TTC39B: variants seen among roughly 807,000 people sequenced by gnomAD.
The protein encoded by TTC39B is tetratricopeptide repeat domain 39B.
TTC39B carries 92 observed loss-of-function variants against 96.6 expected under a neutral mutation model. The ratio of observed to expected loss-of-function variants is 0.95; its 90% CI spans 0.80 to 1.13. TTC39B has a LOEUF of 1.13. Among genes scored for constraint, TTC39B ranks in the 50% most tolerant of loss-of-function variants. TTC39B has a pLI of 0.00. For missense variants in TTC39B, 955 were observed against 809.3 expected (o/e 1.18, Z -2.18); for synonymous variants, 367 against 299.4 (o/e 1.23, Z -2.33).
rs61755266 is a variant in TTC39B at position 15,199,909 on chromosome 9, T to G, written c.776A>C (p.Asn259Thr). 2.6e-6 allele frequency: 4 copies of G among 1,540,488 alleles called. No individual in the cohort carries two copies. The South Asian group carries it at 4.7e-5, about 18-fold the overall frequency. Residue 259 changes from asparagine (N) to threonine (T), a missense_variant, in exon 8 of 20, where the codon AAC becomes ACC. Coordinates refer to ENST00000512701, the Ensembl canonical transcript of TTC39B. ...AATTTTGAGTCCACCTTTGATGAAG[T>G]TGATCATATTTTCATCCTGAAAATA...
intron 8 of TTC39B, among the ~76,000 whole-genome samples, 178 bp downstream of exon 8, chr9:15,199,683 C>T (rs577143981): frequency 1.8e-4 from 22 of 120,752 alleles, no homozygotes; most frequent in Non-Finnish European, 3.0e-4. Flanking sequence ...TGCAGTGAGC[C>T]GAGATTGCGC....
chr9:15,204,645 G>C (rs2131322738), intron 6 of TTC39B, among the ~76,000 whole-genome samples: 1 of 152,142 alleles, frequency 6.6e-6, no homozygotes. Context: ...ACACTAACCA[G>C]ACACATTAGC....
intron 9 of TTC39B, 51 bp downstream of exon 9, chr9:15,192,539 A>C (rs772967612): frequency 6.9e-7 from 1 of 1,446,266 alleles, no homozygotes; most frequent in African/African-American, 1.4e-5. Context: ...GGCACAGAAA[A>C]CCTTAGGTTC....
At chr9:15,267,574 G>A (rs1823181109) in intron 2 of TTC39B, among the ~76,000 whole-genome samples, 1 of 152,156 alleles carries the variant, frequency 6.6e-6, no homozygotes, top group Non-Finnish European at 1.5e-5. Context: ...TACAGTGAAT[G>A]CTTTTAATAA....
rs145635364 is a variant in TTC39B at position 15,200,429 on chromosome 9, T to C, written c.760-504A>G. Among the ~76,000 whole-genome samples the C allele has an allele frequency of 2.5e-3, 388 of 152,348 alleles. 2 individuals carry two copies. Among genetic ancestry groups the C allele is most frequent in the South Asian group, 9.1e-3 (44 of 4,828 alleles). On this transcript the variant is annotated intron_variant, in intron 7 of 19. Transcript: ENST00000512701. ...CTCACACACATTTCTAGGCCCAAAA[T>C]AACTGGTCTGGTTTCTGAAGTGGCT...
intron 3 of TTC39B, among the ~76,000 whole-genome samples, chr9:15,222,771 C>A (rs1277657478): frequency 6.6e-6 from 1 of 152,142 alleles, no homozygotes; most frequent in South Asian, 2.1e-4. Context: ...AATTCTAAGG[C>A]CCTAGACCCC....
chr9:15,185,387 G>C (rs745477466), exon 16 of TTC39B: 1 of 1,613,768 alleles, frequency 6.2e-7, no homozygotes, highest in Non-Finnish European at 8.5e-7. Flanking sequence ...GCAATTCTCT[G>C]CTTCAAGCTG....
chr9:15,186,341 T>C (rs191714982), intron 15 of TTC39B, among the ~76,000 whole-genome samples: 1 of 152,270 alleles, frequency 6.6e-6, no homozygotes, highest in East Asian at 1.9e-4. Context: ...CAGAAGCATG[T>C]CTCAGACAGG....
intron 1 of TTC39B, among the ~76,000 whole-genome samples, chr9:15,295,299 G>T (rs145854734): frequency 1.3e-5 from 2 of 152,232 alleles, no homozygotes; most frequent in East Asian, 3.9e-4. Context: ...TAAACAAATG[G>T]GTATGGCTGT....
chr9:15,258,841 C>A (rs1308898203), intron 2 of TTC39B, among the ~76,000 whole-genome samples: 1 of 152,132 alleles, frequency 6.6e-6, no homozygotes, highest in African/African-American at 2.4e-5. Context: ...AAGGAGCTTT[C>A]CTTCAGAGGC....
intron 1 of TTC39B, among the ~76,000 whole-genome samples, chr9:15,285,854 CA>C (rs947148475): frequency 2.7e-5 from 4 of 148,368 alleles, no homozygotes; most frequent in Admixed American, 1.3e-4. Flanking sequence ...GATTCCGTCT[CA>C]AAAAAAAAAG....
At chr9:15,205,979 C>T (rs1370872883) in intron 6 of TTC39B, among the ~76,000 whole-genome samples, 1 of 152,160 alleles carries the variant, frequency 6.6e-6, no homozygotes, top group Non-Finnish European at 1.5e-5. Context: ...TTAGAGTCTG[C>T]ACTTGATTCA....
chr9:15,208,456 G>C (rs979099392), intron 6 of TTC39B, among the ~76,000 whole-genome samples: 3 of 152,106 alleles, frequency 2.0e-5, no homozygotes, highest in Non-Finnish European at 4.4e-5. Flanking sequence ...GGCCACTAGA[G>C]GGAAACCATA....
In TTC39B at chr9:15,191,104, T is replaced by C. The variant is rs946408736; in HGVS notation, c.996+86A>G. ...AAATTGCCAATAATTATCAAGGTAG[T>C]TATGCAGACATGTTGCATTGCCCTC... On this transcript the variant is annotated intron_variant, in intron 10 of 19. Transcript: ENST00000512701. The C allele has an allele frequency of 3.4e-6, 3 of 890,148 alleles. No homozygotes were observed. In the African/African-American group the frequency reaches 5.1e-5, roughly 15 times the overall value. The allele number at this position is 890,148 out of a possible 1,614,324, so 55.1% of individuals were successfully genotyped here. A position where few individuals can be genotyped will look rare whatever the true frequency, so the allele number is the denominator to read the frequency against.
chr9:15,291,622 C>G, intron 1 of TTC39B, among the ~76,000 whole-genome samples: 1 of 152,194 alleles, frequency 6.6e-6, no homozygotes, highest in Non-Finnish European at 1.5e-5. Context: ...CTTAAGACAG[C>G]TGCTATTTAT....
At chr9:15,198,404 C>T (rs1819308471) in intron 8 of TTC39B, among the ~76,000 whole-genome samples, 1 of 150,486 alleles carries the variant, frequency 6.6e-6, no homozygotes, top group Non-Finnish European at 1.5e-5. Flanking sequence ...TTGCAGTGAG[C>T]TGAGATCACA....
At chr9:15,234,452 A>T (rs544398252) in intron 2 of TTC39B, among the ~76,000 whole-genome samples, 2 of 150,230 alleles carry the variant, frequency 1.3e-5, no homozygotes, top group South Asian at 4.2e-4. Flanking sequence ...CTGGGAGGTG[A>T]GGGGCGCCTC....
chr9:15,180,702 T>C (rs1460746948), intron 17 of TTC39B, among the ~76,000 whole-genome samples: 2 of 152,206 alleles, frequency 1.3e-5, no homozygotes, highest in African/African-American at 4.8e-5. Flanking sequence ...CATTTTCCAA[T>C]TATGGACTTT....
At chr9:15,280,830 T>G (rs1009303135) in intron 1 of TTC39B, among the ~76,000 whole-genome samples, 2 of 152,182 alleles carry the variant, frequency 1.3e-5, no homozygotes, top group African/African-American at 2.4e-5. Context: ...ATGCGAATGC[T>G]TGCAGTGGGG....
Sources: allele counts gnomAD v4.1 joint callset (sites outside exome capture counted in the v4.1 genomes callset), GRCh38; gene constraint gnomAD v4.1.1; transcripts MANE v1.5; gene names NCBI Gene and HGNC (gene_info 2026-07-23, HGNC 2026-07-21).